Variants in BDNF observed in about 807,000 individuals in gnomAD.
BDNF encodes the protein brain derived neurotrophic factor.
Under a neutral mutation model 19.5 loss-of-function variants are expected in BDNF, and 1 was observed. The observed-to-expected ratio is 0.05, with a 90% CI of 0.02 to 0.24. The LOEUF (loss-of-function observed/expected upper bound fraction) is 0.24. BDNF is among the 10% of genes least tolerant of loss of function. The probability of loss-of-function intolerance (pLI) is 1.00; values close to 1 mark genes in which losing one functional copy is unlikely to be tolerated. For synonymous variants in BDNF, 100 were observed against 121.6 expected (o/e 0.82, Z 1.17); for missense variants, 195 against 317.6 (o/e 0.61, Z 2.93).
chr11:27,716,920 T>A (rs2134112969), intron 1 of BDNF, among the ~76,000 whole-genome samples: 1 of 152,326 alleles, frequency 6.6e-6, no homozygotes, highest in South Asian at 2.1e-4. Context: ...CCTTTGTAAG[T>A]CATGCTTTAA....
At chr11:27,696,200 T>C (rs1319286689) in intron 1 of BDNF, 1 of 152,192 alleles carries the variant, frequency 6.6e-6, no homozygotes, top group South Asian at 2.1e-4. Context: ...ATTCTATGCC[T>C]TAAGTAGAAG....
chr11:27,694,894 G>C (rs1183225484), intron 1 of BDNF, among the ~76,000 whole-genome samples: 1 of 152,122 alleles, frequency 6.6e-6, no homozygotes, highest in Non-Finnish European at 1.5e-5. Context: ...TATACTCAAT[G>C]GTTCGGTTTG....
In BDNF at chr11:27,674,851, A is replaced by G. The variant is rs527556467; in HGVS notation, c.-21-16266T>C. The stretch of plus-strand genomic sequence containing the variant: ...AAATACAATACAGTATTTGTTGGTG[A>G]TAGGATTTTGGAAGATGCTCTGGAT... On this transcript the variant is annotated intron_variant, in intron 1 of 1. Transcript: ENST00000356660. The G allele has an allele frequency of 1.8e-4, 168 of 925,762 alleles. 1 individual carries two copies. The highest frequency in any genetic ancestry group is 2.1e-4 in the Non-Finnish European group (160 of 775,918). The allele number at this position is 925,762 out of a possible 1,614,324, so 57.3% of individuals were successfully genotyped here.
chr11:27,718,730 G>GT (rs1199851883), intron 1 of BDNF, among the ~76,000 whole-genome samples: 1 of 151,942 alleles, frequency 6.6e-6, no homozygotes, highest in African/African-American at 2.4e-5. Context: ...CCTAGCGCCT[G>GT]TTTTTTATCT....
At chr11:27,689,521 A>G (rs796385233) in intron 1 of BDNF, among the ~76,000 whole-genome samples, 1 of 152,200 alleles carries the variant, frequency 6.6e-6, no homozygotes, top group South Asian at 2.1e-4. Context: ...CGTAGTAACA[A>G]CAAACCAGCT....
intron 1 of BDNF, among the ~76,000 whole-genome samples, chr11:27,684,551 C>T (rs556409887): frequency 2.6e-5 from 4 of 152,190 alleles, no homozygotes; most frequent in African/African-American, 4.8e-5. Flanking sequence ...ATAAATAGCT[C>T]TTATTATTTT....
chr11:27,709,479 T>A (rs558528479), intron 1 of BDNF, among the ~76,000 whole-genome samples: 383 of 152,364 alleles, frequency 2.5e-3, no homozygotes, highest in Non-Finnish European at 4.6e-3. Context: ...TTAGTAATAA[T>A]CTGTTTTTAA....
chr11:27,705,962 G>A (rs1860091605), intron 1 of BDNF, among the ~76,000 whole-genome samples: 1 of 152,164 alleles, frequency 6.6e-6, no homozygotes, highest in African/African-American at 2.4e-5. Flanking sequence ...GGTGACACTT[G>A]CAAATTTGTT....
intron 1 of BDNF, among the ~76,000 whole-genome samples, chr11:27,709,048 C>T (rs1245759273): frequency 3.3e-5 from 5 of 151,966 alleles, no homozygotes; most frequent in African/African-American, 7.2e-5. Flanking sequence ...AGGCTGGTCT[C>T]GAACTCCTGA....
intron 1 of BDNF, among the ~76,000 whole-genome samples, chr11:27,666,670 G>GATATCAGA (rs1470276614): frequency 6.7e-6 from 1 of 149,700 alleles, no homozygotes; most frequent in Non-Finnish European, 1.5e-5. Flanking sequence ...TGGAAGAAAG[G>GATATCAGA]GATTGAAGAT....
intron 1 of BDNF, chr11:27,674,521 C>T: frequency 1.0e-6 from 1 of 985,056 alleles, no homozygotes; most frequent in Non-Finnish European, 1.2e-6. Context: ...CCATGTGGAC[C>T]CTATTCAAGA....
intron 1 of BDNF, among the ~76,000 whole-genome samples, chr11:27,666,024 G>A (rs1204980072): frequency 6.6e-6 from 1 of 152,178 alleles, no homozygotes; most frequent in Non-Finnish European, 1.5e-5. Context: ...TCCCAGTAGG[G>A]GCCGACTGAC....
At chr11:27,659,442 T>C in intron 1 of BDNF, 1 of 1,000,352 alleles carries the variant, frequency 1.0e-6, no homozygotes, top group East Asian at 1.1e-4. Context: ...ACAATGTGTC[T>C]GGTAAGGAGA....
At chr11:27,692,237 G>GA (rs890849059) in intron 1 of BDNF, among the ~76,000 whole-genome samples, 3 of 152,050 alleles carry the variant, frequency 2.0e-5, no homozygotes, top group African/African-American at 4.8e-5. Context: ...CAATGCATTA[G>GA]AAAAAAACAA....
chr11:27,708,090 A>T (rs1173565749), intron 1 of BDNF, among the ~76,000 whole-genome samples: 1 of 152,190 alleles, frequency 6.6e-6, no homozygotes, highest in Admixed American at 6.5e-5. Flanking sequence ...CTTTTATTTC[A>T]TAGGCATGTT....
Position 27,658,314 on chromosome 11 carries a change from T to A in BDNF, c.251A>T (p.Asn84Ile). The change falls in exon 2 of 2, where the codon AAT becomes ATT. Residue 84 changes from asparagine (N) to isoleucine (I), a missense_variant. Asn to Ile is a moderately radical substitution (Grantham distance 149). This residue lies in a region of BDNF where 124 missense variants were observed against 155.0 expected (regional missense o/e 0.80). Transcript: ENST00000356660. This position sits in a 1 kb window ranked among gnomAD's most constrained non-coding sequence, Gnocchi z 5.7. ...GGACGTGTACAAGTCTGCGTCCTTATTGTTTTCTTCATTGGGCCGAACTTT... is the reference window on the plus strand; with the variant it reads ...GGACGTGTACAAGTCTGCGTCCTTAATGTTTTCTTCATTGGGCCGAACTTT... ...DQKVRPNEEN[N>I]KDADLYTSRV... The A allele has an allele frequency of 6.2e-7, 1 of 1,614,192 alleles. No homozygotes were observed.
upstream of BDNF, chr11:27,701,134 G>A (rs1483023911): frequency 2.4e-6 from 3 of 1,255,962 alleles, no homozygotes; most frequent in Non-Finnish European, 3.2e-6. Context: ...ATTCAATCAA[G>A]ATAATAACAG....
chr11:27,720,274 G>A, intron 1 of BDNF: 1 of 958,386 alleles, frequency 1.0e-6, no homozygotes. Context: ...TCCACCACGC[G>A]TCCTCTCCGG....
intron 1 of BDNF, among the ~76,000 whole-genome samples, chr11:27,671,315 AAAAG>A (rs747293010): frequency 9.9e-5 from 15 of 152,170 alleles, no homozygotes; most frequent in Non-Finnish European, 2.2e-4. Context: ...ATTAAAAAAA[AAAAG>A]AACCTGGAGA....
Sources: allele counts gnomAD v4.1 joint callset (sites outside exome capture counted in the v4.1 genomes callset), GRCh38; gene constraint gnomAD v4.1.1; regional missense constraint gnomAD v4.1.1; non-coding constraint Gnocchi (gnomAD v3.1); transcripts MANE v1.5; gene names NCBI Gene and HGNC (gene_info 2026-07-23, HGNC 2026-07-21).